KCNQ3: variants seen among roughly 807,000 people sequenced by gnomAD.
KCNQ3 encodes potassium voltage-gated channel subfamily KQT member 3.
KCNQ3 carries 30 observed loss-of-function variants against 92.5 expected under a neutral mutation model. The ratio of observed to expected loss-of-function variants is 0.32; its 90% CI spans 0.24 to 0.44. The LOEUF (loss-of-function observed/expected upper bound fraction) is 0.44. Ranked by LOEUF, KCNQ3 falls within the 20% of genes least tolerant of loss-of-function variation. KCNQ3 has a pLI of 1.00. For synonymous variants in KCNQ3, 450 were observed against 468.8 expected (o/e 0.96, Z 0.52); for missense variants, 913 against 1,140.3 (o/e 0.80, Z 2.87).
chr8:132,477,352 A>T (rs952722126), intron 1 of KCNQ3, among the ~76,000 whole-genome samples: 21 of 10,848 alleles, frequency 1.9e-3, no homozygotes, highest in African/African-American at 3.9e-3. Context: ...TTTTAATTTA[A>T]AAAAAAAAAA....
intron 1 of KCNQ3, among the ~76,000 whole-genome samples, chr8:132,414,378 T>C (rs1163520960): frequency 1.3e-5 from 2 of 152,088 alleles, no homozygotes; most frequent in Admixed American, 6.5e-5. Flanking sequence ...TCAACCCCAC[T>C]AGATTTAACA....
intron 1 of KCNQ3, among the ~76,000 whole-genome samples, chr8:132,373,258 C>T (rs1563883901): frequency 6.6e-6 from 1 of 152,110 alleles, no homozygotes; most frequent in Non-Finnish European, 1.5e-5. Flanking sequence ...GAGACCTACA[C>T]CTGGGGTAAG....
intron 9 of KCNQ3, among the ~76,000 whole-genome samples, chr8:132,143,342 T>C (rs1563770105): frequency 1.3e-5 from 2 of 152,084 alleles, no homozygotes; most frequent in Non-Finnish European, 2.9e-5. Flanking sequence ...GAACACACAT[T>C]GAAGTCTTTC....
intron 1 of KCNQ3, among the ~76,000 whole-genome samples, chr8:132,226,466 G>A (rs909428988): frequency 5.3e-5 from 8 of 152,080 alleles, no homozygotes; most frequent in Admixed American, 3.9e-4. Flanking sequence ...GGGATTCAAG[G>A]TTTTGTGGTA....
At chr8:132,406,421 G>A (rs896033268) in intron 1 of KCNQ3, among the ~76,000 whole-genome samples, 2 of 152,092 alleles carry the variant, frequency 1.3e-5, no homozygotes, top group Non-Finnish European at 2.9e-5. Flanking sequence ...GGAGAAAAGT[G>A]CTGATCAGTT....
At chr8:132,339,945 C>T (rs767336957) in intron 1 of KCNQ3, among the ~76,000 whole-genome samples, 6 of 150,228 alleles carry the variant, frequency 4.0e-5, no homozygotes, top group Admixed American at 6.6e-5. Context: ...CTTCTGAGTG[C>T]GGGCAACAAA....
chr8:132,351,532 C>T (rs1818865906), intron 1 of KCNQ3, among the ~76,000 whole-genome samples: 1 of 152,210 alleles, frequency 6.6e-6, no homozygotes, highest in Admixed American at 6.5e-5. Context: ...CCAGAGACCC[C>T]AGAATCCTTC....
chr8:132,443,730 A>T (rs185664886), intron 1 of KCNQ3, among the ~76,000 whole-genome samples: 2 of 152,246 alleles, frequency 1.3e-5, no homozygotes, highest in East Asian at 3.9e-4. Flanking sequence ...TTTTGCAGCC[A>T]GTAGTGAAAT....
At chr8:132,327,295 C>T (rs1818087257) in intron 1 of KCNQ3, among the ~76,000 whole-genome samples, 1 of 152,182 alleles carries the variant, frequency 6.6e-6, no homozygotes, top group Non-Finnish European at 1.5e-5. Flanking sequence ...TAAGATCAGA[C>T]ACTCTAAAAC....
At chr8:132,328,586 T>C (rs1309511291) in intron 1 of KCNQ3, among the ~76,000 whole-genome samples, 2 of 152,136 alleles carry the variant, frequency 1.3e-5, no homozygotes, top group Non-Finnish European at 2.9e-5. Context: ...ACACAGAAAA[T>C]TATACTCTCC....
chr8:132,400,107 G>A (rs1299406728), intron 1 of KCNQ3, among the ~76,000 whole-genome samples: 1 of 152,210 alleles, frequency 6.6e-6, no homozygotes, highest in Non-Finnish European at 1.5e-5. Flanking sequence ...GAATTGTCAG[G>A]TGAAGAGCTG....
chr8:132,465,873 C>G (rs1822161077), intron 1 of KCNQ3, among the ~76,000 whole-genome samples: 1 of 152,076 alleles, frequency 6.6e-6, no homozygotes, highest in African/African-American at 2.4e-5. Flanking sequence ...GATTGCACCA[C>G]TGGACTCCAG....
At chr8:132,298,274 T>G (rs773556693) in intron 1 of KCNQ3, among the ~76,000 whole-genome samples, 1 of 152,152 alleles carries the variant, frequency 6.6e-6, no homozygotes, top group Non-Finnish European at 1.5e-5. Context: ...TGAGATTTGA[T>G]GAACATCCTA....
chr8:132,134,513 A>C, intron 12 of KCNQ3, 125 bp from the exon 13 acceptor site: 2 of 633,216 alleles, frequency 3.2e-6, no homozygotes, highest in Non-Finnish European at 5.8e-6. Flanking sequence ...AGGAGAGGAG[A>C]GGAGAAGTGA....
intron 1 of KCNQ3, among the ~76,000 whole-genome samples, chr8:132,376,347 G>A (rs1451373723): frequency 6.6e-6 from 1 of 152,174 alleles, no homozygotes; most frequent in African/African-American, 2.4e-5. Flanking sequence ...TAATTACTCT[G>A]TTCCAAATAC....
At chr8:132,175,654 G>A (rs769329677) in intron 4 of KCNQ3, 46 bp from the exon 5 acceptor site, 17 of 1,591,368 alleles carry the variant, frequency 1.1e-5, no homozygotes, top group Middle Eastern at 1.7e-4. Flanking sequence ...CTGGGGAGTC[G>A]TTGAGTGGAT....
At chr8:132,459,896 T>C (rs976216719) in intron 1 of KCNQ3, among the ~76,000 whole-genome samples, 10 of 152,156 alleles carry the variant, frequency 6.6e-5, no homozygotes, top group African/African-American at 2.4e-4. Flanking sequence ...TATTCACTCA[T>C]TTATTTGTTA....
intron 1 of KCNQ3, among the ~76,000 whole-genome samples, chr8:132,329,850 G>A (rs1445954508): frequency 3.3e-5 from 5 of 152,180 alleles, no homozygotes; most frequent in African/African-American, 7.2e-5. Context: ...TGTGCAAGGT[G>A]TGCCCTCGCA....
At chr8:132,321,894 C>A (rs1322152669) in intron 1 of KCNQ3, among the ~76,000 whole-genome samples, 1 of 152,212 alleles carries the variant, frequency 6.6e-6, no homozygotes, top group Non-Finnish European at 1.5e-5. Context: ...GGGCCCTGGG[C>A]AGAGTCTCTT....
Sources: gnomAD v4.1 joint callset for allele counts (sites outside exome capture counted in the v4.1 genomes callset) on GRCh38, gnomAD v4.1.1 for gene constraint, MANE v1.5 for transcripts, NCBI Gene and HGNC (gene_info 2026-07-23, HGNC 2026-07-21) for gene names.